ROBO1: variants seen among roughly 807,000 people sequenced by gnomAD.
ROBO1 encodes the protein roundabout guidance receptor 1.
ROBO1 carries 149 observed loss-of-function variants against 195.9 expected under a neutral mutation model. That is an observed-to-expected ratio of 0.76 (90% CI 0.67 to 0.87). ROBO1 has a LOEUF of 0.87. Among genes scored for constraint, ROBO1 ranks in the 40% least tolerant of loss-of-function variants. The pLI is 0.00. For synonymous variants in ROBO1, 816 were observed against 733.2 expected, an observed-to-expected ratio of 1.11 and a Z score of -1.82; for missense variants, 1,933 against 2,068.3, an observed-to-expected ratio of 0.93 and a Z score of 1.27.
chr3:78,834,773 T>G (rs2032549309), intron 4 of ROBO1, among the ~76,000 whole-genome samples: 1 of 152,134 alleles, frequency 6.6e-6, no homozygotes, highest in South Asian at 2.1e-4. Context: ...AGCCAAATTC[T>G]TGACTTCATT....
chr3:78,962,543 C>T (rs1014625305), intron 3 of ROBO1, among the ~76,000 whole-genome samples: 8 of 151,668 alleles, frequency 5.3e-5, no homozygotes, highest in African/African-American at 7.3e-5. Flanking sequence ...AACTTCTTTT[C>T]GGCCGGGCGC....
rs182448038 is a variant in ROBO1 at position 79,521,868 on chromosome 3, C to T, written c.88+67956G>A. On this transcript the variant is annotated intron_variant, in intron 2 of 30. Coordinates refer to ENST00000464233, the MANE Select transcript of ROBO1 (RefSeq NM_002941.4). ...TTCCAGGATGCTACCTTGAATGTGC[C>T]TTGGATATCTGTGTCAGTAGAGAGA... 6.6e-4 allele frequency among the ~76,000 whole-genome samples: 101 copies of T among 152,160 alleles called. No individual in the cohort carries two copies. The East Asian group carries it at 0.012, about 18-fold the overall frequency.
At chr3:79,692,323 TAAAG>T (rs2107089493) in intron 1 of ROBO1, among the ~76,000 whole-genome samples, 1 of 151,962 alleles carries the variant, frequency 6.6e-6, no homozygotes, top group Non-Finnish European at 1.5e-5. Context: ...ACCATAATAA[TAAAG>T]AAAGCTGAGA....
At chr3:79,104,605 T>C (rs1576677748) in intron 3 of ROBO1, among the ~76,000 whole-genome samples, 1 of 151,700 alleles carries the variant, frequency 6.6e-6, no homozygotes, top group Admixed American at 6.6e-5. Flanking sequence ...TGTCCAGCGA[T>C]AGGCTTGCAT....
intron 5 of ROBO1, among the ~76,000 whole-genome samples, chr3:78,738,177 A>G (rs1281000154): frequency 6.6e-6 from 1 of 152,146 alleles, no homozygotes; most frequent in Non-Finnish European, 1.5e-5. Context: ...AGTGGGCTGA[A>G]TGCCAAATTT....
intron 1 of ROBO1, among the ~76,000 whole-genome samples, chr3:79,679,905 A>G (rs930315283): frequency 6.6e-6 from 1 of 152,060 alleles, no homozygotes. Context: ...GCTGGATCCA[A>G]TGTTCTTGAG....
chr3:79,550,197 A>AAAGGAAAGG (rs142251104), intron 2 of ROBO1, among the ~76,000 whole-genome samples: 50 of 19,268 alleles, frequency 2.6e-3, no homozygotes, highest in Non-Finnish European at 4.4e-3. Flanking sequence ...GAAAGAAAGG[A>AAAGGAAAGG]AAAGAAAAGA....
chr3:79,724,740 A>G (rs1702844882), intron 1 of ROBO1, among the ~76,000 whole-genome samples: 1 of 152,230 alleles, frequency 6.6e-6, no homozygotes, highest in Non-Finnish European at 1.5e-5. Context: ...GTCCCAGCAA[A>G]TCATGCCTGA....
At chr3:79,313,722 A>G (rs1249239256) in intron 2 of ROBO1, among the ~76,000 whole-genome samples, 1 of 152,182 alleles carries the variant, frequency 6.6e-6, no homozygotes, top group African/African-American at 2.4e-5. Context: ...CCCAATTCAC[A>G]TATAGGTGGG....
chr3:79,327,487 C>T lies in ROBO1; in HGVS notation c.89-201948G>A, dbSNP rs150943896. 2.9e-3 allele frequency among the ~76,000 whole-genome samples: 445 copies of T among 152,012 alleles called. 3 individuals carry two copies. The highest frequency in any genetic ancestry group is 5.4e-3 in the Non-Finnish European group (366 of 67,962). ...TTATTTTAAACTTAAACAGACTTCC[C>T]GAGTTCCTCAGCTTTATCATCATAT... On this transcript the variant is annotated intron_variant, in intron 2 of 30. Coordinates refer to ENST00000464233, the MANE Select transcript of ROBO1 (RefSeq NM_002941.4).
intron 14 of ROBO1, among the ~76,000 whole-genome samples, chr3:78,662,749 A>G (rs1575869453): frequency 6.6e-6 from 1 of 151,792 alleles, no homozygotes; most frequent in Admixed American, 6.6e-5. Flanking sequence ...CGTTTATTTA[A>G]TTGATGATCC....
chr3:78,966,910 T>A (rs2107880807), intron 3 of ROBO1, among the ~76,000 whole-genome samples: 1 of 152,306 alleles, frequency 6.6e-6, no homozygotes, highest in East Asian at 1.9e-4. Context: ...ACCCATATCC[T>A]AATATTTGGT....
At chr3:79,622,419 C>A (rs1945036203) in intron 1 of ROBO1, among the ~76,000 whole-genome samples, 1 of 152,198 alleles carries the variant, frequency 6.6e-6, no homozygotes, top group African/African-American at 2.4e-5. Flanking sequence ...CTCACAGCTG[C>A]CTAATACACT....
At chr3:78,968,101 G>T (rs2076685803) in intron 3 of ROBO1, among the ~76,000 whole-genome samples, 1 of 152,016 alleles carries the variant, frequency 6.6e-6, no homozygotes, top group Non-Finnish European at 1.5e-5. Flanking sequence ...CAAAAGATCT[G>T]CAAGTTTTAT....
At chr3:78,663,857 C>T (rs1421952288) in intron 14 of ROBO1, among the ~76,000 whole-genome samples, 1 of 152,180 alleles carries the variant, frequency 6.6e-6, no homozygotes, top group Non-Finnish European at 1.5e-5. Context: ...TTTCCAAGTA[C>T]TTCCCTCATA....
chr3:79,674,442 T>C (rs1946721990), intron 1 of ROBO1, among the ~76,000 whole-genome samples: 1 of 151,894 alleles, frequency 6.6e-6, no homozygotes, highest in Admixed American at 6.6e-5. Context: ...TAATATATGT[T>C]TGTTGCAAAA....
At chr3:79,407,282 A>T (rs2037586100) in intron 2 of ROBO1, among the ~76,000 whole-genome samples, 1 of 152,188 alleles carries the variant, frequency 6.6e-6, no homozygotes, top group African/African-American at 2.4e-5. Flanking sequence ...TGTAATAGCC[A>T]TTCAGAGGTA....
At chr3:79,475,135 C>T (rs1034129799) in intron 2 of ROBO1, among the ~76,000 whole-genome samples, 5 of 151,200 alleles carry the variant, frequency 3.3e-5, no homozygotes, top group African/African-American at 1.2e-4. Flanking sequence ...TAAAGTAACT[C>T]AATTGCTTTT....
intron 1 of ROBO1, among the ~76,000 whole-genome samples, chr3:79,601,363 T>C (rs1425534884): frequency 3.9e-5 from 6 of 152,028 alleles, no homozygotes; most frequent in Non-Finnish European, 8.8e-5. Flanking sequence ...AATAGCTTCG[T>C]GTGCAAAACA....
Sources: gnomAD v4.1 joint callset for allele counts (sites outside exome capture counted in the v4.1 genomes callset) on GRCh38, gnomAD v4.1.1 for gene constraint, MANE v1.5 for transcripts, NCBI Gene and HGNC (gene_info 2026-07-23, HGNC 2026-07-21) for gene names.